The following RBFOX1 variants were observed in gnomAD, a reference collection of about 807,000 sequenced individuals.
The protein encoded by RBFOX1 is RNA binding protein fox-1 homolog 1.
RBFOX1 carries 8 observed loss-of-function variants against 57.7 expected under a neutral mutation model. The ratio of observed to expected loss-of-function variants is 0.14; its 90% CI spans 0.08 to 0.25. RBFOX1 has a LOEUF of 0.25. Ranked by LOEUF, RBFOX1 falls within the 10% of genes least tolerant of loss-of-function variation. The pLI, the probability that RBFOX1 is intolerant of heterozygous loss-of-function variation, is 1.00. For missense variants in RBFOX1, 611 were observed against 548.5 expected (o/e 1.11, Z -1.14); for synonymous variants, 326 against 222.4 (o/e 1.47, Z -4.15).
At chr16:7,047,995 C>G (rs1482468313) in intron 3 of RBFOX1, among the ~76,000 whole-genome samples, 1 of 151,726 alleles carries the variant, frequency 6.6e-6, no homozygotes, top group East Asian at 1.9e-4. Context: ...TCTCCTGTCT[C>G]AGCCGTCTGA....
chr16:5,364,063 T>C (rs1270106248), intron 1 of RBFOX1, among the ~76,000 whole-genome samples: 1 of 152,306 alleles, frequency 6.6e-6, no homozygotes, highest in African/African-American at 2.4e-5. Context: ...TCCCCGACGC[T>C]GGATATCAGA....
chr16:6,498,582 A>T (rs1172973864), intron 2 of RBFOX1, among the ~76,000 whole-genome samples: 2 of 152,110 alleles, frequency 1.3e-5, no homozygotes, highest in African/African-American at 2.4e-5. Context: ...ATAGGCTATA[A>T]ACTTCATGAA....
chr16:7,660,510 T>G (rs192777047), intron 12 of RBFOX1, among the ~76,000 whole-genome samples: 1 of 152,228 alleles, frequency 6.6e-6, no homozygotes. Context: ...TTACAAATTA[T>G]TTGGATACAT....
At chr16:6,866,951 C>G (rs569666352) in intron 3 of RBFOX1, among the ~76,000 whole-genome samples, 6 of 150,236 alleles carry the variant, frequency 4.0e-5, no homozygotes, top group South Asian at 4.3e-4. Context: ...ATGACAATAT[C>G]TAAAGGTCAT....
chr16:5,299,760 C>G lies in RBFOX1; in HGVS notation c.219+59655C>G, dbSNP rs145115268. 1.9e-3 allele frequency among the ~76,000 whole-genome samples: 289 copies of G among 152,112 alleles called. 2 individuals are homozygous for G. Among genetic ancestry groups the G allele is most frequent in the African/African-American group, 6.6e-3 (275 of 41,506 alleles). On this transcript the variant is annotated intron_variant, in intron 1 of 2. Coordinates refer to the RBFOX1 transcript ENST00000585867. ...AAATATTGATAGTTTTTCTTCTTTTCCTTGTAATTTTTATGCATGTTTCAA... is the reference window on the plus strand; with the variant it reads ...AAATATTGATAGTTTTTCTTCTTTTGCTTGTAATTTTTATGCATGTTTCAA...
chr16:6,782,585 G>A (rs1461329612), intron 3 of RBFOX1, among the ~76,000 whole-genome samples: 1 of 152,074 alleles, frequency 6.6e-6, no homozygotes, highest in Non-Finnish European at 1.5e-5. Context: ...ATTGTGGTCA[G>A]AAAAGATACC....
chr16:5,911,117 G>T (rs1302846244), intron 4 of RBFOX1, among the ~76,000 whole-genome samples: 1 of 152,134 alleles, frequency 6.6e-6, no homozygotes, highest in African/African-American at 2.4e-5. Context: ...TCTGTCATTG[G>T]ACTGGCATTG....
At chr16:7,233,696 T>A (rs965501911) in intron 4 of RBFOX1, among the ~76,000 whole-genome samples, 1 of 152,218 alleles carries the variant, frequency 6.6e-6, no homozygotes, top group Non-Finnish European at 1.5e-5. Context: ...GGGGGCCCCA[T>A]GAACTTCCAA....
At chr16:5,296,193 AAGCT>A (rs1335160710) in intron 1 of RBFOX1, among the ~76,000 whole-genome samples, 1 of 152,100 alleles carries the variant, frequency 6.6e-6, no homozygotes, top group Non-Finnish European at 1.5e-5. Context: ...AGCATGCACT[AAGCT>A]AGCTGGGCAT....
chr16:7,043,579 C>G (rs187170398), intron 3 of RBFOX1, among the ~76,000 whole-genome samples: 1 of 152,178 alleles, frequency 6.6e-6, no homozygotes, highest in Admixed American at 6.5e-5. Flanking sequence ...ATAAAGCTAC[C>G]AATTGATTTG....
intron 14 of RBFOX1, among the ~76,000 whole-genome samples, chr16:7,704,392 G>T (rs60814908): frequency 0.023 from 3,555 of 152,264 alleles, 129 homozygotes; most frequent in African/African-American, 0.075. Flanking sequence ...TGTAAAAAGT[G>T]TACACTATTT....
chr16:6,256,175 A>ATATATGTG (rs71145207), intron 1 of RBFOX1, among the ~76,000 whole-genome samples: 2 of 28,324 alleles, frequency 7.1e-5, no homozygotes, highest in African/African-American at 1.7e-4. Flanking sequence ...ATATATGTAT[A>ATATATGTG]TATATATATA....
chr16:6,311,152 T>C (rs2080239972), intron 1 of RBFOX1, among the ~76,000 whole-genome samples: 1 of 151,778 alleles, frequency 6.6e-6, no homozygotes. Context: ...AAAAATTAGC[T>C]GGACGTTGTG....
rs1191171362 is a variant in RBFOX1 at position 6,097,593 on chromosome 16, A to T, written c.-127+77601A>T. Among the ~76,000 whole-genome samples, 1 of 152,186 alleles carries T rather than the reference A, an allele frequency of 6.6e-6. No individual in the cohort carries two copies. The highest frequency in any genetic ancestry group is 1.5e-5 in the Non-Finnish European group (1 of 68,042). On this transcript the variant is annotated intron_variant, in intron 1 of 15. Coordinates refer to ENST00000550418, the MANE Select transcript of RBFOX1 (RefSeq NM_018723.4). The surrounding 1 kb of genome is among the most constrained non-coding windows in gnomAD (Gnocchi z 5.0). ...TGCACAGGGAGACCTCACTTTCATT[A>T]TTCTCATTTCACAGATGAGAAAAAT... is the stretch of plus-strand genomic sequence containing the variant.
At chr16:6,739,899 C>T (rs922956180) in intron 3 of RBFOX1, among the ~76,000 whole-genome samples, 14 of 152,056 alleles carry the variant, frequency 9.2e-5, no homozygotes, top group African/African-American at 2.2e-4. Flanking sequence ...TGGTGGTCCA[C>T]ATTCCACTTT....
intron 4 of RBFOX1, among the ~76,000 whole-genome samples, chr16:7,100,068 G>C (rs1181732373): frequency 6.6e-6 from 1 of 151,748 alleles, no homozygotes; most frequent in Non-Finnish European, 1.5e-5. Flanking sequence ...GGGGGTGAGG[G>C]TGGTCACCTT....
At chr16:5,642,607 G>T (rs1393296684) in intron 3 of RBFOX1, among the ~76,000 whole-genome samples, 3 of 152,108 alleles carry the variant, frequency 2.0e-5, no homozygotes, top group African/African-American at 4.8e-5. Flanking sequence ...AATGTGCCTA[G>T]CCGCCCCCCC....
intron 4 of RBFOX1, among the ~76,000 whole-genome samples, chr16:5,953,858 G>A (rs2059570331): frequency 6.6e-6 from 1 of 152,122 alleles, no homozygotes; most frequent in Admixed American, 6.5e-5. Context: ...TAGATACCCA[G>A]TAGTGGGATT....
At position 7,587,318 on chromosome 16, in the gene RBFOX1, C is replaced by G; in HGVS notation, c.468+18C>G. On this transcript the variant is annotated intron_variant, in intron 7 of 15. Coordinates refer to ENST00000550418, the MANE Select transcript of RBFOX1 (RefSeq NM_018723.4). ...GCTCAAAGGTAAGCAACTTAATTCACTTTAGAATTGTTTAGTTTATTTTTA... is the reference window on the plus strand; with the variant it reads ...GCTCAAAGGTAAGCAACTTAATTCAGTTTAGAATTGTTTAGTTTATTTTTA... 1 of 1,536,280 alleles carries G rather than the reference C, an allele frequency of 6.5e-7. No homozygotes were observed. Among genetic ancestry groups the G allele is most frequent in the Non-Finnish European group, 8.8e-7 (1 of 1,141,522 alleles).
Sources: gnomAD v4.1 joint callset for allele counts (sites outside exome capture counted in the v4.1 genomes callset) on GRCh38, gnomAD v4.1.1 for gene constraint, Gnocchi (gnomAD v3.1) non-coding constraint, MANE v1.5 for transcripts, NCBI Gene and HGNC (gene_info 2026-07-23, HGNC 2026-07-21) for gene names.